CSN2: variants seen among roughly 807,000 people sequenced by gnomAD.
CSN2 encodes the protein beta-casein.
In CSN2, 27 loss-of-function variants were observed where a neutral mutation model predicts 27.3. That is an observed-to-expected ratio of 0.99 (90% CI 0.73 to 1.36). CSN2 has a LOEUF of 1.36. Among genes scored for constraint, CSN2 ranks in the 40% most tolerant of loss-of-function variants. The pLI, the probability that CSN2 is intolerant of heterozygous loss-of-function variation, is 0.00. For synonymous variants in CSN2, 131 were observed against 94.8 expected (o/e 1.38, Z -2.22); for missense variants, 333 against 264.5 (o/e 1.26, Z -1.80).
intron 3 of CSN2, 96 bp downstream of exon 3, chr4:69,959,957 T>G (rs992482783): frequency 1.9e-6 from 2 of 1,057,136 alleles, no homozygotes; most frequent in African/African-American, 3.2e-5. Context: ...TATATGTCAT[T>G]AACATAGCTG....
chr4:69,959,741 G>A (rs903549773), intron 3 of CSN2, among the ~76,000 whole-genome samples: 6 of 151,764 alleles, frequency 4.0e-5, no homozygotes, highest in African/African-American at 1.5e-4. Flanking sequence ...CTGACCCATA[G>A]AAGGCCGTCA....
intron 1 of CSN2, among the ~76,000 whole-genome samples, chr4:69,961,472 A>G (rs1244130913): frequency 6.6e-6 from 1 of 152,174 alleles, no homozygotes; most frequent in Non-Finnish European, 1.5e-5. Context: ...ACAAAACCAA[A>G]GACAAAAACC....
chr4:69,960,863 A>T, intron 2 of CSN2, 82 bp downstream of exon 2: 2 of 1,072,742 alleles, frequency 1.9e-6, no homozygotes, highest in South Asian at 1.3e-5. Flanking sequence ...ACAGTAAAAA[A>T]TGTTGGTGAT....
chr4:69,962,913 A>C (rs1284810497), intron 1 of CSN2, among the ~76,000 whole-genome samples: 8 of 152,240 alleles, frequency 5.3e-5, no homozygotes, highest in Middle Eastern at 3.2e-3. Flanking sequence ...ACCCCATCAA[A>C]AAGTGGGCAA....
Position 69,956,350 on chromosome 4 carries a change from T to C in CSN2, c.681A>G (p.Ter227=), listed in dbSNP as rs762728005. ...AGGGAAAATTAACTTTGAAATCTTC[T>C]TAGACCTTAAAAATAAACAGATACA... ...LAPVHNPISV[*] The change falls in exon 7 of 8, where the codon TAA becomes TAG. Residue 227 remains the stop codon, a stop_retained_variant. Transcript: ENST00000353151. 7.1e-7 allele frequency: 1 copy of C among 1,417,430 alleles called. No homozygotes were observed. The highest frequency in any genetic ancestry group is 9.3e-7 in the Non-Finnish European group (1 of 1,070,022). The allele number at this position is 1,417,430 out of a possible 1,614,324, so 87.8% of individuals were successfully genotyped here.
chr4:69,956,462 T>C (rs1022982412), intron 6 of CSN2, 107 bp from the exon 7 acceptor site: 2 of 872,724 alleles, frequency 2.3e-6, no homozygotes, highest in Middle Eastern at 4.2e-4. Flanking sequence ...TGCCTTCATA[T>C]ATATTTACAG....
rs1401862744 is a variant in CSN2 at position 69,958,915 on chromosome 4, T to C, written c.138A>G (p.Gln46=). Residue 46 remains glutamine, a synonymous_variant, in exon 5 of 8, where the codon CAA becomes CAG. Coordinates refer to ENST00000353151, the MANE Select transcript of CSN2 (RefSeq NM_001891.4). ...CTTATCATTAACAAATTACCTCTCC[T>C]TGCTGCTGGTCCTCATGTTTAACCT... The part of the protein sequence containing the change: ...VEKVKHEDQQ[Q]GEDEHQDKIY... The C allele has an allele frequency of 1.3e-6, 2 of 1,589,548 alleles. No homozygotes were observed. Among genetic ancestry groups the C allele is most frequent in the Non-Finnish European group, 8.6e-7 (1 of 1,162,036 alleles).
intron 5 of CSN2, among the ~76,000 whole-genome samples, chr4:69,958,549 T>C (rs1317213915): frequency 6.6e-6 from 1 of 152,128 alleles, no homozygotes; most frequent in African/African-American, 2.4e-5. Context: ...AAATTTTACA[T>C]AGGTTTTTTT....
At chr4:69,962,223 A>G (rs1055464248) in intron 1 of CSN2, among the ~76,000 whole-genome samples, 22 of 152,074 alleles carry the variant, frequency 1.4e-4, no homozygotes, top group African/African-American at 4.6e-4. Flanking sequence ...CACAGAATTG[A>G]AAAAAACTAC....
chr4:69,963,498 A>T (rs891047981), intron 1 of CSN2, among the ~76,000 whole-genome samples: 1 of 151,480 alleles, frequency 6.6e-6, no homozygotes, highest in African/African-American at 2.4e-5. Flanking sequence ...AAAAAAACCA[A>T]ACACCACATG....
In CSN2 at chr4:69,962,955, C is replaced by T. The variant is rs544247967; in HGVS notation, c.-12-1948G>A. 5.9e-5 allele frequency among the ~76,000 whole-genome samples: 9 copies of T among 152,278 alleles called. No individual in the cohort carries two copies. In the South Asian group the frequency reaches 1.0e-3, roughly 18 times the overall value. On this transcript the variant is annotated intron_variant, in intron 1 of 7. Coordinates refer to ENST00000353151, the MANE Select transcript of CSN2 (RefSeq NM_001891.4). ...TGAACAAACACTTCTCAAAAGAAGA[C>T]ATTTATACAGCCAAAAATCACATGA...
chr4:69,959,106 T>A (rs773228536), intron 3 of CSN2, 37 bp from the exon 4 acceptor site: 51 of 1,219,600 alleles, frequency 4.2e-5, no homozygotes, highest in Non-Finnish European at 5.7e-6. Context: ...GGTTTAGTTT[T>A]AACAATTCTT....
At chr4:69,959,619 T>C (rs1214226178) in intron 3 of CSN2, among the ~76,000 whole-genome samples, 2 of 152,092 alleles carry the variant, frequency 1.3e-5, no homozygotes, top group Non-Finnish European at 2.9e-5. Flanking sequence ...GTGGCTATTG[T>C]AATTATAAAA....
At chr4:69,964,161 G>A (rs1723714847) in intron 1 of CSN2, among the ~76,000 whole-genome samples, 1 of 152,000 alleles carries the variant, frequency 6.6e-6, no homozygotes. Context: ...TATGCCACAT[G>A]ACTTTAGATA....
rs200552934 is a variant in CSN2, at chr4:69,957,325, G to T, written c.624C>A (p.His208Gln). Reference sequence around the variant, plus strand: ...GTGGCTGAGTCACAGGGTAGATCTGGTGGGTGGGGTTAAGTAGAAGTTCTT... The same window carrying T: ...GTGGCTGAGTCACAGGGTAGATCTGTTGGGTGGGGTTAAGTAGAAGTTCTT... ...LNQELLLNPT[H>Q]QIYPVTQPLA... Residue 208 changes from histidine to glutamine, a missense_variant, in exon 6 of 8, where the codon CAC becomes CAA. Coordinates refer to ENST00000353151, the MANE Select transcript of CSN2 (RefSeq NM_001891.4). The T allele has an allele frequency of 1.1e-5, 18 of 1,605,002 alleles. No individual in the cohort carries two copies. The highest frequency in any genetic ancestry group is 1.1e-5 in the South Asian group (1 of 89,756).
In CSN2 at chr4:69,957,328, G is replaced by C. The variant is rs146988755; in HGVS notation, c.621C>G (p.Thr207=). The change falls in exon 6 of 8, where the codon ACC becomes ACG. Residue 207 remains threonine (T), a synonymous_variant. Transcript: ENST00000353151. ...GCTGAGTCACAGGGTAGATCTGGTG[G>C]GTGGGGTTAAGTAGAAGTTCTTGGT... ...LLNQELLLNP[T]HQIYPVTQPL... The C allele has an allele frequency of 6.2e-7, 1 of 1,604,702 alleles. No individual in the cohort carries two copies. Among genetic ancestry groups the C allele is most frequent in the South Asian group, 1.1e-5 (1 of 89,944 alleles).
Position 69,956,304 on chromosome 4 carries a change from C to A in CSN2, c.*36+10G>T, listed in dbSNP as rs1370759050. ...ATGATCAATTAAATCTCCAAACTCCCAAAACTTACCAAAAATAAGGAGGGA... is the reference window on the plus strand; with the variant it reads ...ATGATCAATTAAATCTCCAAACTCCAAAAACTTACCAAAAATAAGGAGGGA... On this transcript the variant is annotated intron_variant, in intron 7 of 7. Coordinates refer to ENST00000353151, the MANE Select transcript of CSN2 (RefSeq NM_001891.4). 3 of 1,383,598 alleles carry A rather than the reference C, an allele frequency of 2.2e-6. No homozygotes were observed. Among genetic ancestry groups the A allele is most frequent in the Admixed American group, 5.5e-5 (2 of 36,632 alleles). 85.7% of individuals were successfully genotyped at this position (1,383,598 alleles called of 1,614,324 possible). A position where few individuals can be genotyped will look rare whatever the true frequency, so the allele number is the denominator to read the frequency against.
intron 1 of CSN2, among the ~76,000 whole-genome samples, 164 bp from the exon 2 acceptor site, chr4:69,961,171 T>C (rs961628479): frequency 6.6e-6 from 1 of 152,094 alleles, no homozygotes. Context: ...ATAGAAGTTA[T>C]ATCACATGAA....
chr4:69,955,861 C>T (rs1723378034), intron 7 of CSN2, among the ~76,000 whole-genome samples: 1 of 151,966 alleles, frequency 6.6e-6, no homozygotes, highest in South Asian at 2.1e-4. Context: ...CTGTTCTCTC[C>T]TCTTTTTAAC....
Sources: gnomAD v4.1 joint callset for allele counts (sites outside exome capture counted in the v4.1 genomes callset) on GRCh38, gnomAD v4.1.1 for gene constraint, MANE v1.5 for transcripts, NCBI Gene and HGNC (gene_info 2026-07-23, HGNC 2026-07-21) for gene names.